The following ATP8A2 variants were observed in gnomAD, a reference collection of about 807,000 sequenced individuals.
ATP8A2 encodes ATPase phospholipid transporting 8A2, also known as phospholipid-transporting ATPase IB.
Under a neutral mutation model 165.6 loss-of-function variants are expected in ATP8A2, and 100 were observed. The ratio of observed to expected loss-of-function variants is 0.60; its 90% CI spans 0.51 to 0.71. The LOEUF (loss-of-function observed/expected upper bound fraction) is 0.71. ATP8A2 is among the 30% of genes least tolerant of loss of function. The pLI is 0.00. For missense variants in ATP8A2, 1,227 were observed against 1,479.5 expected, an observed-to-expected ratio of 0.83 and a Z score of 2.80; for synonymous variants, 543 against 548.8, an observed-to-expected ratio of 0.99 and a Z score of 0.15.
At chr13:25,676,990 GA>G (rs1235383807) in intron 24 of ATP8A2, among the ~76,000 whole-genome samples, 1 of 152,102 alleles carries the variant, frequency 6.6e-6, no homozygotes, top group African/African-American at 2.4e-5. Flanking sequence ...TTGGGAAGAG[GA>G]ATTTTTATTT....
chr13:25,513,729 C>A (rs1026586474), intron 2 of ATP8A2, among the ~76,000 whole-genome samples: 2 of 152,154 alleles, frequency 1.3e-5, no homozygotes, highest in Non-Finnish European at 2.9e-5. Context: ...CCGAGGCTGG[C>A]GGATCACTCG....
chr13:25,540,464 G>A, intron 8 of ATP8A2, 76 bp downstream of exon 8: 1 of 1,085,900 alleles, frequency 9.2e-7, no homozygotes. Flanking sequence ...TCTTTTTCTA[G>A]AGAAATAAAA....
At chr13:25,621,256 A>AGC (rs1303605076) in intron 24 of ATP8A2, among the ~76,000 whole-genome samples, 1 of 152,216 alleles carries the variant, frequency 6.6e-6, no homozygotes, top group African/African-American at 2.4e-5. Flanking sequence ...TTTGTGAACA[A>AGC]ATACGTATGA....
Position 25,769,155 on chromosome 13 carries a change from G to A in ATP8A2, c.2494G>A (p.Ala832Thr), listed in dbSNP as rs1320026816. The A allele has an allele frequency of 6.2e-7, 1 of 1,614,096 alleles. No individual in the cohort carries two copies. The highest frequency in any genetic ancestry group is 1.1e-5 in the South Asian group (1 of 91,084). The change falls in exon 26 of 37, where the codon GCC (alanine) becomes ACC (threonine). Residue 832 changes from alanine to threonine, a missense_variant. Around this residue, in one of 5 missense-constraint regions of ATP8A2, gnomAD observed 592 missense variants for 785.6 expected, o/e 0.75. Coordinates refer to ENST00000381655, the MANE Select transcript of ATP8A2 (RefSeq NM_016529.6). ...CAACGATGTCGGGATGATCCAGACA[G>A]CCCACGTGGGTGTGGGAATCAGTGG... ...GANDVGMIQT[A>T]HVGVGISGNE...
At chr13:25,508,214 C>T (rs1464842095) in intron 2 of ATP8A2, among the ~76,000 whole-genome samples, 1 of 152,172 alleles carries the variant, frequency 6.6e-6, no homozygotes, top group Non-Finnish European at 1.5e-5. Flanking sequence ...TTATGCTCCT[C>T]TAGGAACAGA....
chr13:25,463,884 C>T (rs1330968687), intron 1 of ATP8A2, among the ~76,000 whole-genome samples: 3 of 152,282 alleles, frequency 2.0e-5, no homozygotes, highest in African/African-American at 7.2e-5. Flanking sequence ...TCTACTGTAA[C>T]TGATCTGCTC....
intron 30 of ATP8A2, among the ~76,000 whole-genome samples, chr13:25,854,303 A>G (rs961075315): frequency 1.3e-5 from 2 of 151,910 alleles, no homozygotes; most frequent in African/African-American, 4.8e-5. Flanking sequence ...ATTCTTTTCT[A>G]CCCTACATCC....
chr13:25,693,039 G>T (rs1158492819), intron 24 of ATP8A2, among the ~76,000 whole-genome samples: 2 of 151,992 alleles, frequency 1.3e-5, no homozygotes, highest in African/African-American at 4.8e-5. Flanking sequence ...GACTTTTTAT[G>T]CCCCTTATAA....
intron 30 of ATP8A2, among the ~76,000 whole-genome samples, chr13:25,849,727 C>A (rs1202688682): frequency 6.6e-6 from 1 of 152,134 alleles, no homozygotes; most frequent in Non-Finnish European, 1.5e-5. Flanking sequence ...ATGTCTGTTC[C>A]TGAACCCCAA....
At chr13:25,528,841 A>G (rs4526870) in intron 2 of ATP8A2, among the ~76,000 whole-genome samples, 793 of 75,820 alleles carry the variant, frequency 0.01, 51 homozygotes, top group African/African-American at 0.03. Context: ...CAACATGTGT[A>G]TGCACACATA....
At chr13:25,487,021 A>C (rs1285660113) in intron 2 of ATP8A2, among the ~76,000 whole-genome samples, 1 of 152,214 alleles carries the variant, frequency 6.6e-6, no homozygotes. Flanking sequence ...TGAGTTATGC[A>C]GAAGTGATGA....
chr13:25,747,644 G>T (rs1473273667), intron 25 of ATP8A2, among the ~76,000 whole-genome samples: 2 of 152,170 alleles, frequency 1.3e-5, no homozygotes, highest in East Asian at 1.9e-4. Flanking sequence ...GATACAATGC[G>T]TGGGGAGGGG....
chr13:25,857,595 G>T (rs1412613567), intron 30 of ATP8A2, among the ~76,000 whole-genome samples: 1 of 126,294 alleles, frequency 7.9e-6, no homozygotes, highest in Admixed American at 8.7e-5. Context: ...TTTTTTTGAG[G>T]CAGAGTCTCA....
chr13:25,851,870 A>G (rs930001246), intron 30 of ATP8A2, among the ~76,000 whole-genome samples: 6 of 151,890 alleles, frequency 4.0e-5, no homozygotes, highest in African/African-American at 1.5e-4. Flanking sequence ...TTTCTTTTTT[A>G]GAGACTAAGT....
At chr13:25,604,612 G>A (rs2040469822) in intron 24 of ATP8A2, among the ~76,000 whole-genome samples, 1 of 152,204 alleles carries the variant, frequency 6.6e-6, no homozygotes, top group Admixed American at 6.5e-5. Context: ...TTAATTGAAA[G>A]TGGTAGATAT....
chr13:25,558,828 T>C, intron 13 of ATP8A2, 145 bp from the exon 14 acceptor site: 2 of 551,776 alleles, frequency 3.6e-6, no homozygotes, highest in South Asian at 2.5e-5. Flanking sequence ...AAAATATTAA[T>C]ATATTTTTTG....
intron 33 of ATP8A2, among the ~76,000 whole-genome samples, chr13:25,893,417 A>G (rs1043179155): frequency 1.3e-5 from 2 of 151,794 alleles, no homozygotes; most frequent in Admixed American, 1.3e-4. Context: ...TCCATGGTGT[A>G]TATGTGCCAC....
chr13:25,428,431 A>G (rs1355880180), intron 1 of ATP8A2, among the ~76,000 whole-genome samples: 3 of 152,188 alleles, frequency 2.0e-5, no homozygotes, highest in Non-Finnish European at 4.4e-5. Context: ...GATGAGCCAT[A>G]GTGTCTACTC....
At chr13:25,678,764 A>T (rs746327839) in intron 24 of ATP8A2, among the ~76,000 whole-genome samples, 1 of 152,192 alleles carries the variant, frequency 6.6e-6, no homozygotes, top group Non-Finnish European at 1.5e-5. Context: ...TTGCTCCGTG[A>T]CCTTGGGCAA....
Sources: gnomAD v4.1 joint callset for allele counts (sites outside exome capture counted in the v4.1 genomes callset) on GRCh38, gnomAD v4.1.1 for gene constraint, gnomAD v4.1.1 regional missense constraint, MANE v1.5 for transcripts, NCBI Gene and HGNC (gene_info 2026-07-23, HGNC 2026-07-21) for gene names.